Variants in GFOD1 observed in about 807,000 individuals in gnomAD.
GFOD1 encodes glucose-fructose oxidoreductase domain-containing protein 1.
Under a neutral mutation model 25.4 loss-of-function variants are expected in GFOD1, and 9 were observed. That is an observed-to-expected ratio of 0.35 (90% CI 0.21 to 0.62). GFOD1 has a LOEUF of 0.62. Among genes scored for constraint, GFOD1 ranks in the 20% least tolerant of loss-of-function variants. GFOD1 has a pLI of 0.72. For synonymous variants in GFOD1, 253 were observed against 245.6 expected (o/e 1.03, Z -0.28); for missense variants, 403 against 556.9 (o/e 0.72, Z 2.78).
intron 1 of GFOD1, among the ~76,000 whole-genome samples, chr6:13,390,860 A>G (rs1785589545): frequency 6.6e-6 from 1 of 151,650 alleles, no homozygotes; most frequent in Non-Finnish European, 1.5e-5. Context: ...AAAGGTTGTT[A>G]TGAGGGCTGC....
chr6:13,415,038 C>T (rs1483802594), intron 1 of GFOD1, among the ~76,000 whole-genome samples: 1 of 152,186 alleles, frequency 6.6e-6, no homozygotes, highest in Admixed American at 6.5e-5. Flanking sequence ...GCACATCAGC[C>T]ATGATATCCC....
At chr6:13,399,169 T>C (rs555153690) in intron 1 of GFOD1, among the ~76,000 whole-genome samples, 1 of 152,126 alleles carries the variant, frequency 6.6e-6, no homozygotes, top group South Asian at 2.1e-4. Context: ...GGATTAATTT[T>C]GGTGGTGGGG....
intron 1 of GFOD1, chr6:13,470,506 G>A: frequency 1.3e-6 from 2 of 1,549,894 alleles, no homozygotes; most frequent in Non-Finnish European, 1.7e-6. Context: ...CATCGTGGGG[G>A]GTAAACAAAT....
intron 1 of GFOD1, among the ~76,000 whole-genome samples, chr6:13,478,477 C>G (rs2560811): frequency 0.47 from 71,817 of 152,114 alleles, 20,240 homozygotes; most frequent in Admixed American, 0.6. Flanking sequence ...CATCTAGATT[C>G]TTAGAATCAG....
chr6:13,435,439 C>G (rs764462755), intron 1 of GFOD1, among the ~76,000 whole-genome samples: 1 of 152,214 alleles, frequency 6.6e-6, no homozygotes, highest in Non-Finnish European at 1.5e-5. Flanking sequence ...TCTTTCATCT[C>G]TCTTATTATA....
chr6:13,483,819 G>A (rs985691117), intron 1 of GFOD1, among the ~76,000 whole-genome samples: 2 of 152,192 alleles, frequency 1.3e-5, no homozygotes, highest in African/African-American at 2.4e-5. Context: ...CTAGCTGTAG[G>A]TCTAGGAGCA....
At chr6:13,380,332 C>A (rs1016238192) in intron 1 of GFOD1, among the ~76,000 whole-genome samples, 3 of 152,166 alleles carry the variant, frequency 2.0e-5, no homozygotes, top group African/African-American at 4.8e-5. Context: ...AAGGAATAGG[C>A]CTACTGCAAG....
intron 1 of GFOD1, among the ~76,000 whole-genome samples, chr6:13,485,515 G>A (rs1446004923): frequency 6.6e-6 from 1 of 152,194 alleles, no homozygotes; most frequent in Non-Finnish European, 1.5e-5. Flanking sequence ...AGCTTTCAAA[G>A]GTGAGCTGCT....
intron 1 of GFOD1, among the ~76,000 whole-genome samples, chr6:13,435,839 C>T (rs1757824852): frequency 6.6e-6 from 1 of 152,088 alleles, no homozygotes; most frequent in Non-Finnish European, 1.5e-5. Context: ...TTTTTAAAAC[C>T]CTAATATTAT....
intron 1 of GFOD1, among the ~76,000 whole-genome samples, chr6:13,425,783 A>T (rs1010030204): frequency 1.3e-5 from 2 of 152,094 alleles, no homozygotes; most frequent in Non-Finnish European, 2.9e-5. Flanking sequence ...AGGGGTGTCC[A>T]ATCTTTTGGC....
intron 1 of GFOD1, among the ~76,000 whole-genome samples, chr6:13,391,333 A>G (rs186633041): frequency 9.9e-5 from 15 of 152,208 alleles, no homozygotes; most frequent in Admixed American, 5.9e-4. Context: ...CCCCGTCTCT[A>G]TTAAAAATAT....
chr6:13,389,126 G>T (rs1332901542), intron 1 of GFOD1, among the ~76,000 whole-genome samples: 1 of 152,262 alleles, frequency 6.6e-6, no homozygotes, highest in Non-Finnish European at 1.5e-5. Context: ...AAATGCTGGA[G>T]AAGATGTGGA....
intron 1 of GFOD1, among the ~76,000 whole-genome samples, chr6:13,422,798 G>C (rs551576740): frequency 6.6e-6 from 1 of 152,294 alleles, no homozygotes; most frequent in South Asian, 2.1e-4. Context: ...GGAATTCTTA[G>C]CAAGAATTTT....
At chr6:13,448,156 G>A (rs990348413) in intron 1 of GFOD1, among the ~76,000 whole-genome samples, 6 of 152,214 alleles carry the variant, frequency 3.9e-5, no homozygotes, top group Non-Finnish European at 7.3e-5. Context: ...GACCATGCTT[G>A]TTATAAAGGT....
At position 13,358,237 on chromosome 6, in the gene GFOD1, ACAT is replaced by A. The variant is rs1784897619; in HGVS notation, c.*6503_*6505del. ...ATAGACTCTGTTTACTTTATAACAC[ACAT>A]CTTTTTCCCTTGATAAATAACTCTT... On this transcript the variant is annotated 3_prime_UTR_variant, in exon 2 of 2. Transcript: ENST00000379287. The A allele has an allele frequency of 6.6e-6, 1 of 152,098 alleles. No individual in the cohort carries two copies. Among genetic ancestry groups the A allele is most frequent in the Non-Finnish European group, 1.5e-5 (1 of 68,026 alleles). The allele number at this position is 152,098 out of a possible 1,614,324, so 9.4% of individuals were successfully genotyped here.
intron 1 of GFOD1, among the ~76,000 whole-genome samples, chr6:13,466,553 A>T (rs1021143178): frequency 6.6e-6 from 1 of 152,150 alleles, no homozygotes; most frequent in African/African-American, 2.4e-5. Flanking sequence ...GACATTCTCA[A>T]TCACCTCCCT....
At chr6:13,449,591 G>A (rs1758060349) in intron 1 of GFOD1, among the ~76,000 whole-genome samples, 1 of 152,158 alleles carries the variant, frequency 6.6e-6, no homozygotes, top group East Asian at 1.9e-4. Context: ...CATGTGTTGT[G>A]GGAAGGACCC....
chr6:13,421,703 C>G (rs986879285), intron 1 of GFOD1, among the ~76,000 whole-genome samples: 2 of 152,074 alleles, frequency 1.3e-5, no homozygotes, highest in African/African-American at 4.8e-5. Context: ...AAAAAAAAAC[C>G]TTCTGTAATT....
intron 1 of GFOD1, among the ~76,000 whole-genome samples, chr6:13,381,183 T>G (rs1259839005): frequency 6.6e-6 from 1 of 152,206 alleles, no homozygotes; most frequent in East Asian, 1.9e-4. Flanking sequence ...TGCAACAATA[T>G]GCAAAAATAA....
Sources: gnomAD v4.1 joint callset for allele counts (sites outside exome capture counted in the v4.1 genomes callset) on GRCh38, gnomAD v4.1.1 for gene constraint, MANE v1.5 for transcripts, NCBI Gene and HGNC (gene_info 2026-07-23, HGNC 2026-07-21) for gene names.